Variants in ADAMTS3 observed in about 807,000 individuals in gnomAD.
ADAMTS3 encodes the protein A disintegrin and metalloproteinase with thrombospondin motifs 3.
A neutral mutation model predicts 129.0 loss-of-function variants in ADAMTS3; 73 were observed. The observed-to-expected ratio is 0.57, with a 90% CI of 0.47 to 0.69. The LOEUF (loss-of-function observed/expected upper bound fraction) is 0.69, where lower values mean the gene tolerates loss of function less well. ADAMTS3 is among the 30% of genes least tolerant of loss of function. The probability of loss-of-function intolerance (pLI) is 0.00; values close to 1 mark genes in which losing one functional copy is unlikely to be tolerated. For synonymous variants in ADAMTS3, 477 were observed against 510.8 expected, an observed-to-expected ratio of 0.93 and a Z score of 0.89; for missense variants, 1,457 against 1,514.5, an observed-to-expected ratio of 0.96 and a Z score of 0.63.
chr4:72,453,246 A>G (rs116346322), intron 3 of ADAMTS3, among the ~76,000 whole-genome samples: 1 of 151,946 alleles, frequency 6.6e-6, no homozygotes, highest in African/African-American at 2.4e-5. Flanking sequence ...ATCTTTGATA[A>G]TATTTCAGAC....
At chr4:72,320,545 G>C (rs909049642) in intron 7 of ADAMTS3, among the ~76,000 whole-genome samples, 169 bp downstream of exon 7, 2 of 152,156 alleles carry the variant, frequency 1.3e-5, no homozygotes, top group African/African-American at 4.8e-5. Context: ...ATTTAACATT[G>C]AGAACTCCAC....
intron 3 of ADAMTS3, among the ~76,000 whole-genome samples, chr4:72,442,530 C>A (rs1718145137): frequency 6.6e-6 from 1 of 151,708 alleles, no homozygotes; most frequent in Admixed American, 6.6e-5. Context: ...AGATCTCACT[C>A]ATTACTGCTA....
intron 3 of ADAMTS3, among the ~76,000 whole-genome samples, chr4:72,495,160 A>C (rs1719844382): frequency 6.6e-6 from 1 of 152,164 alleles, no homozygotes; most frequent in Non-Finnish European, 1.5e-5. Context: ...ACAGGGTCCA[A>C]GGCTTTGGGG....
At chr4:72,297,621 T>C (rs1718841690) in intron 18 of ADAMTS3, among the ~76,000 whole-genome samples, 1 of 152,062 alleles carries the variant, frequency 6.6e-6, no homozygotes, top group South Asian at 2.1e-4. Flanking sequence ...TCCAGCTTAA[T>C]GGACTCTGGA....
chr4:72,562,808 AG>A (rs1721933972), intron 2 of ADAMTS3, among the ~76,000 whole-genome samples: 1 of 152,214 alleles, frequency 6.6e-6, no homozygotes, highest in Admixed American at 6.5e-5. Context: ...AGTATAGTTT[AG>A]GAATAAAATT....
chr4:72,546,433 G>A (rs1305867790), intron 3 of ADAMTS3, among the ~76,000 whole-genome samples: 1 of 134,820 alleles, frequency 7.4e-6, no homozygotes, highest in African/African-American at 3.0e-5. Flanking sequence ...TCATCTGAAC[G>A]AAGAATTACA....
intron 3 of ADAMTS3, among the ~76,000 whole-genome samples, chr4:72,467,657 T>C (rs1010926716): frequency 1.3e-5 from 2 of 152,088 alleles, no homozygotes; most frequent in Admixed American, 6.6e-5. Context: ...CTCTACTGTT[T>C]ATTCTTTAAG....
intron 3 of ADAMTS3, among the ~76,000 whole-genome samples, chr4:72,504,212 T>C (rs1194703375): frequency 1.3e-5 from 2 of 152,198 alleles, no homozygotes; most frequent in Non-Finnish European, 2.9e-5. Context: ...AGTGTCTTTT[T>C]GTGGTAGCAG....
intron 3 of ADAMTS3, among the ~76,000 whole-genome samples, chr4:72,517,761 A>G: frequency 6.6e-6 from 1 of 150,960 alleles, no homozygotes; most frequent in African/African-American, 2.4e-5. Context: ...TGGTCTATCA[A>G]TTTTGTTGAT....
At chr4:72,540,645 G>C (rs555650868) in intron 3 of ADAMTS3, among the ~76,000 whole-genome samples, 1 of 152,160 alleles carries the variant, frequency 6.6e-6, no homozygotes, top group Non-Finnish European at 1.5e-5. Context: ...CAGGCCCAGC[G>C]TTGTCATGCT....
intron 3 of ADAMTS3, among the ~76,000 whole-genome samples, chr4:72,463,971 C>T (rs1718852069): frequency 6.6e-6 from 1 of 151,848 alleles, no homozygotes; most frequent in Non-Finnish European, 1.5e-5. Flanking sequence ...GCTAAAGGGG[C>T]GCCCATCTCT....
intron 4 of ADAMTS3, among the ~76,000 whole-genome samples, chr4:72,403,823 C>T (rs1054565045): frequency 4.6e-5 from 7 of 151,972 alleles, no homozygotes; most frequent in African/African-American, 9.7e-5. Flanking sequence ...ACTACAACAA[C>T]GTCAACCACA....
intron 3 of ADAMTS3, among the ~76,000 whole-genome samples, chr4:72,479,999 C>A (rs1719381323): frequency 6.6e-6 from 1 of 152,062 alleles, no homozygotes; most frequent in Non-Finnish European, 1.5e-5. Context: ...AATGAGATAC[C>A]ATCTCACACC....
Position 72,281,346 on chromosome 4 carries a change from A to T in ADAMTS3, c.*1790T>A, listed in dbSNP as rs1222059533. ...CAATAGTTTAAGCTGTTAGTTTACA[A>T]CGATTAAAATGCAAAAGTTCTTGCA... On this transcript the variant is annotated 3_prime_UTR_variant, in exon 22 of 22. Coordinates refer to ENST00000286657, the MANE Select transcript of ADAMTS3 (RefSeq NM_014243.3). 6.6e-6 allele frequency: 1 copy of T among 152,622 alleles called. No homozygotes were observed. Among genetic ancestry groups the T allele is most frequent in the Non-Finnish European group, 1.5e-5 (1 of 68,038 alleles). The allele number at this position is 152,622 out of a possible 1,614,324, so 9.5% of individuals were successfully genotyped here. A position where few individuals can be genotyped will look rare whatever the true frequency, so the allele number is the denominator to read the frequency against.
At chr4:72,360,622 T>G (rs1212141502) in intron 4 of ADAMTS3, among the ~76,000 whole-genome samples, 1 of 151,998 alleles carries the variant, frequency 6.6e-6, no homozygotes, top group Non-Finnish European at 1.5e-5. Flanking sequence ...TGGAAACACA[T>G]GCACATATAC....
chr4:72,312,381 C>T lies in ADAMTS3; in HGVS notation c.1831G>A (p.Asp611Asn). Residue 611 changes from aspartate (D) to asparagine (N), a missense_variant, in exon 13 of 22, where the codon GAC (aspartate) becomes AAC (asparagine). Transcript: ENST00000286657. ...TGCTGACACTGCTGTGCTCTGAAGT[C>T]CTCAAAGTGTTTTTGGCATTCTTCT... ...NTEECQKHFEDFRAQQCQQRN... is the reference protein window; with the variant it reads ...NTEECQKHFENFRAQQCQQRN... 6.2e-7 allele frequency: 1 copy of T among 1,613,722 alleles called. No homozygotes were observed.
At chr4:72,503,814 T>A (rs1720086211) in intron 3 of ADAMTS3, among the ~76,000 whole-genome samples, 1 of 152,204 alleles carries the variant, frequency 6.6e-6, no homozygotes, top group Admixed American at 6.5e-5. Flanking sequence ...GACTGTTAAG[T>A]CTTCTTGTTG....
At chr4:72,538,990 C>G (rs576173335) in intron 3 of ADAMTS3, among the ~76,000 whole-genome samples, 1 of 152,010 alleles carries the variant, frequency 6.6e-6, no homozygotes, top group Non-Finnish European at 1.5e-5. Context: ...GGATCCTTAC[C>G]TAACACCATA....
At chr4:72,327,446 T>G (rs1719727142) in intron 5 of ADAMTS3, among the ~76,000 whole-genome samples, 1 of 152,184 alleles carries the variant, frequency 6.6e-6, no homozygotes, top group Non-Finnish European at 1.5e-5. Context: ...AGACACTGCA[T>G]TAAACACTTT....
Sources: allele counts gnomAD v4.1 joint callset (sites outside exome capture counted in the v4.1 genomes callset), GRCh38; gene constraint gnomAD v4.1.1; transcripts MANE v1.5; gene names NCBI Gene and HGNC (gene_info 2026-07-23, HGNC 2026-07-21).